The following GAMT variants were observed in gnomAD, a reference collection of about 807,000 sequenced individuals.
GAMT encodes the protein epididymis secretory protein Li 20.
In GAMT, 26 loss-of-function variants were observed where a neutral mutation model predicts 26.9. The ratio of observed to expected loss-of-function variants is 0.97; its 90% CI spans 0.71 to 1.34. GAMT has a LOEUF of 1.34. GAMT is among the 40% of genes most tolerant of loss of function. The probability of loss-of-function intolerance (pLI) is 0.00; values close to 1 mark genes in which losing one functional copy is unlikely to be tolerated. For synonymous variants in GAMT, 169 were observed against 149.6 expected (o/e 1.13, Z -0.95); for missense variants, 412 against 345.0 (o/e 1.19, Z -1.54).
rs767181387 is a variant in GAMT, at chr19:1,397,309, C to T, written c.*50G>A. On this transcript the variant is annotated 3_prime_UTR_variant, in exon 6 of 6. Transcript: ENST00000252288. ...CTGGTGCGACACCCTGGACTCCCGG[C>T]CAGGAAGGCACGGAGGAGGGCATGG... The T allele has an allele frequency of 1.3e-6, 2 of 1,572,622 alleles. No individual in the cohort carries two copies. Among genetic ancestry groups the T allele is most frequent in the South Asian group, 2.3e-5 (2 of 87,792 alleles).
At position 1,397,056 on chromosome 19, in the gene GAMT, A is replaced by C; in HGVS notation, c.*303T>G. The C allele has an allele frequency of 2.5e-6, 1 of 395,280 alleles. No homozygotes were observed. Among genetic ancestry groups the C allele is most frequent in the Non-Finnish European group, 4.7e-6 (1 of 211,534 alleles). 24.5% of individuals were successfully genotyped at this position (395,280 alleles called of 1,614,324 possible). Reference sequence around the variant, plus strand: ...GTGTCCATGGGATGGGCGGGAGGTGAGGGAGCAGCCGCTGGAAGTAACAGT... The same window carrying C: ...GTGTCCATGGGATGGGCGGGAGGTGCGGGAGCAGCCGCTGGAAGTAACAGT... On this transcript the variant is annotated 3_prime_UTR_variant, in exon 6 of 6. Transcript: ENST00000252288.
Position 1,399,001 on chromosome 19 carries a change from G to C in GAMT, c.485C>G (p.Pro162Arg), listed in dbSNP as rs761599682. ...IKNHAFRLLKPGGVLTYCNLT... is the reference protein window; with the variant it reads ...IKNHAFRLLKRGGVLTYCNLT... ...GTTGCAGTAGGTGAGGACGCCCCCC[G>C]GCTTCAGCAGGCGAAAGGCGTGGTT... The change falls in exon 5 of 6, where the codon CCG (proline) becomes CGG (arginine). Residue 162 changes from proline to arginine, a missense_variant. Transcript: ENST00000252288. This position sits in a 1 kb window ranked among gnomAD's most constrained non-coding sequence, Gnocchi z 6.2. 2 of 1,613,338 alleles carry C rather than the reference G, an allele frequency of 1.2e-6. No individual in the cohort carries two copies. The highest frequency in any genetic ancestry group is 1.3e-5 in the African/African-American group (1 of 74,924).
At chr19:1,397,685 C>G (rs1325949060) in intron 5 of GAMT, 186 bp from the exon 6 acceptor site, 1 of 1,372,508 alleles carries the variant, frequency 7.3e-7, no homozygotes, top group African/African-American at 1.4e-5. Context: ...CTCCCCAGTG[C>G]GGGCAGCAGC....
rs115816053 is a variant in GAMT at position 1,400,485 on chromosome 19, C to G, written c.182-547G>C. Among the ~76,000 whole-genome samples the G allele has an allele frequency of 4.6e-3, 705 of 152,224 alleles. 6 individuals are homozygous for G. The highest frequency in any genetic ancestry group is 0.016 in the African/African-American group (676 of 41,528). On this transcript the variant is annotated intron_variant, in intron 1 of 5. Transcript: ENST00000252288. ...ACCAGCCAGGGAGGCCGAAGACGGC[C>G]GCTTTTGGGGCCAGGCCTGTGGGGA...
chr19:1,400,957 G>A (rs1569008335), intron 1 of GAMT, among the ~76,000 whole-genome samples: 1 of 152,164 alleles, frequency 6.6e-6, no homozygotes, highest in Admixed American at 6.5e-5. Flanking sequence ...TCCCTGGCAC[G>A]ACCCCTTCCT....
chr19:1,398,545 C>T, intron 5 of GAMT: 2 of 614,018 alleles, frequency 3.3e-6, no homozygotes, highest in Non-Finnish European at 2.8e-6. Context: ...AAGCAATCCT[C>T]CTACCTCAGC....
chr19:1,397,601 G>A, intron 5 of GAMT, 102 bp from the exon 6 acceptor site: 1 of 1,541,918 alleles, frequency 6.5e-7, no homozygotes, highest in South Asian at 1.1e-5. Flanking sequence ...GCAAGGCCCG[G>A]GTGGGCGGCT....
Position 1,399,995 on chromosome 19 carries a change from T to C in GAMT, c.182-57A>G. ...GGTGGGGCGGGCTTAGGAGGCTGCC[T>C]GGAGGAGGGGCACAGGGCAGGGCAG... On this transcript the variant is annotated intron_variant, in intron 1 of 5. Transcript: ENST00000252288. The surrounding 1 kb of genome is among the most constrained non-coding windows in gnomAD (Gnocchi z 6.2). 2 of 1,557,572 alleles carry C rather than the reference T, an allele frequency of 1.3e-6. No individual in the cohort carries two copies. The highest frequency in any genetic ancestry group is 1.7e-6 in the Non-Finnish European group (2 of 1,156,522).
intron 5 of GAMT, chr19:1,397,979 AAGAC>A: frequency 1.9e-6 from 2 of 1,035,384 alleles, no homozygotes; most frequent in Non-Finnish European, 2.3e-6. Context: ...TGAACCAGCA[AAGAC>A]AGCCAGGTGG....
Position 1,397,487 on chromosome 19 carries a change from G to A in GAMT, c.583C>T (p.Pro195Ser), listed in dbSNP as rs1285848023. The A allele has an allele frequency of 6.2e-7, 1 of 1,605,114 alleles. No homozygotes were observed. The change falls in exon 6 of 6, where the codon CCC becomes TCC. Residue 195 changes from proline (P) to serine (S), a missense_variant. Pro to Ser is a moderately conservative substitution (Grantham distance 74, BLOSUM62 -1). Transcript: ENST00000252288. ...CGGAAGCCGGCCTCCAGCAGCGCGG[G>A]CACCTGCGTCTCCTGGTCGGGGATG... is the stretch of plus-strand genomic sequence containing the variant. ...ITIMFEETQV[P>S]ALLEAGFRRE...
rs750625814 is a variant in GAMT, at chr19:1,399,571, C to T, written c.344G>A (p.Gly115Asp). ...RQTHKVIPLK[G>D]LWEDVAPTLP... ...GGTGGGTGCCACATCCTCCCACAGG[C>T]CTTTCAAGGGGATGACCTTGCAGAG... Residue 115 changes from glycine to aspartate, a missense_variant, in exon 3 of 6, where the codon GGC becomes GAC. Gly to Asp is a moderately conservative substitution (Grantham distance 94). Coordinates refer to ENST00000252288, the MANE Select transcript of GAMT (RefSeq NM_000156.6). This position sits in a 1 kb window ranked among gnomAD's most constrained non-coding sequence, Gnocchi z 6.2. 3 of 1,613,126 alleles carry T rather than the reference C, an allele frequency of 1.9e-6. No homozygotes were observed. In the Admixed American group the frequency reaches 5.0e-5, roughly 27 times the overall value.
chr19:1,398,632 T>G, intron 5 of GAMT: 1 of 938,976 alleles, frequency 1.1e-6, no homozygotes. Context: ...TTAGGAAAGA[T>G]GAGGTCTTGC....
intron 5 of GAMT, 99 bp downstream of exon 5, chr19:1,398,817 G>T: frequency 6.4e-7 from 1 of 1,566,868 alleles, no homozygotes; most frequent in East Asian, 2.4e-5. Context: ...GGGTCAGGAA[G>T]GGACCCTCCC....
At chr19:1,398,406 A>T (rs954946664) in intron 5 of GAMT, 5 of 318,942 alleles carry the variant, frequency 1.6e-5, no homozygotes, top group Non-Finnish European at 2.3e-5. Flanking sequence ...CCTGATTTCC[A>T]TTTTTTTTTT....
chr19:1,399,653 G>A lies in GAMT; in HGVS notation c.328-66C>T. 1 of 1,553,840 alleles carries A rather than the reference G, an allele frequency of 6.4e-7. No homozygotes were observed. Among genetic ancestry groups the A allele is most frequent in the Non-Finnish European group, 8.7e-7 (1 of 1,143,670 alleles). ...GGTCCCCAGGATCTCCCCACCTGCA[G>A]AAAGGGAGCGGCCAGGGGGACTCCC... On this transcript the variant is annotated intron_variant, in intron 2 of 5. Transcript: ENST00000252288. The surrounding 1 kb of genome is among the most constrained non-coding windows in gnomAD (Gnocchi z 6.2).
chr19:1,400,044 G>A (rs2082624933), intron 1 of GAMT, 106 bp from the exon 2 acceptor site: 7 of 1,369,342 alleles, frequency 5.1e-6, no homozygotes, highest in Non-Finnish European at 7.0e-6. Context: ...GCCTGGAGGA[G>A]GGGGCGCAGG....
intron 1 of GAMT, 45 bp downstream of exon 1, chr19:1,401,251 T>C: frequency 2.2e-5 from 30 of 1,372,760 alleles, no homozygotes; most frequent in South Asian, 3.2e-5. Flanking sequence ...CCGGCCTCAG[T>C]TTCCCCTGCG....
At chr19:1,397,629 G>T (rs2082608470) in intron 5 of GAMT, 130 bp from the exon 6 acceptor site, 1 of 1,454,366 alleles carries the variant, frequency 6.9e-7, no homozygotes, top group Non-Finnish European at 9.3e-7. Context: ...CCGTGGGCAC[G>T]TGGCAGGGCA....
At position 1,399,180 on chromosome 19, in the gene GAMT, G is replaced by T. The variant is rs374724533; in HGVS notation, c.407C>A (p.Thr136Lys). 6.2e-7 allele frequency: 1 copy of T among 1,613,652 alleles called. No individual in the cohort carries two copies. Among genetic ancestry groups the T allele is most frequent in the Admixed American group, 1.7e-5 (1 of 60,026 alleles). ...DGHFDGILYDTYPLSEETWHT... is the reference protein window; with the variant it reads ...DGHFDGILYDKYPLSEETWHT... ...CCAGGTCTCCTCCGAGAGTGGGTAC[G>T]TGTCGTACAGGATCCCTGCACGGAG... is the stretch of plus-strand genomic sequence containing the variant. Residue 136 changes from threonine (T) to lysine (K), a missense_variant, in exon 4 of 6, where the codon ACG becomes AAG. Coordinates refer to ENST00000252288, the MANE Select transcript of GAMT (RefSeq NM_000156.6). This position sits in a 1 kb window ranked among gnomAD's most constrained non-coding sequence, Gnocchi z 6.2.
Sources: gnomAD v4.1 joint callset for allele counts (sites outside exome capture counted in the v4.1 genomes callset) on GRCh38, gnomAD v4.1.1 for gene constraint, Gnocchi (gnomAD v3.1) non-coding constraint, MANE v1.5 for transcripts, NCBI Gene and HGNC (gene_info 2026-07-23, HGNC 2026-07-21) for gene names.